The following CSMD1 variants were observed in gnomAD, a reference collection of about 807,000 sequenced individuals.
CSMD1 encodes CUB and sushi domain-containing protein 1.
Under a neutral mutation model 417.5 loss-of-function variants are expected in CSMD1, and 213 were observed. The ratio of observed to expected loss-of-function variants is 0.51; its 90% CI spans 0.46 to 0.57. CSMD1 has a LOEUF of 0.57. Among genes scored for constraint, CSMD1 ranks in the 20% least tolerant of loss-of-function variants. The pLI is 0.00. For missense variants in CSMD1, 6,923 were observed against 4,529.7 expected (o/e 1.53, Z -15.17); for synonymous variants, 2,862 against 1,736.8 (o/e 1.65, Z -16.11).
At chr8:4,518,747 C>T (rs1803264442) in intron 2 of CSMD1, among the ~76,000 whole-genome samples, 1 of 149,074 alleles carries the variant, frequency 6.7e-6, no homozygotes, top group South Asian at 2.1e-4. Flanking sequence ...CGCATGTACC[C>T]TAAAACTTAA....
At chr8:4,777,004 G>A (rs1304211665) in intron 1 of CSMD1, among the ~76,000 whole-genome samples, 1 of 152,092 alleles carries the variant, frequency 6.6e-6, no homozygotes, top group Non-Finnish European at 1.5e-5. Context: ...TGTAAAACAG[G>A]TGACTGATTT....
chr8:3,637,044 A>C (rs1460657935), intron 7 of CSMD1, among the ~76,000 whole-genome samples: 2 of 152,122 alleles, frequency 1.3e-5, no homozygotes, highest in East Asian at 3.9e-4. Flanking sequence ...GCAGAAAGAA[A>C]ACCCTCGCCA....
chr8:4,124,371 T>C (rs565757030), intron 3 of CSMD1, among the ~76,000 whole-genome samples: 2 of 151,378 alleles, frequency 1.3e-5, no homozygotes, highest in South Asian at 4.2e-4. Flanking sequence ...AAATGTTTTC[T>C]TCTCCATATC....
At chr8:4,006,588 G>C (rs2912297) in intron 4 of CSMD1, among the ~76,000 whole-genome samples, 60,167 of 152,036 alleles carry the variant, frequency 0.4, 11,911 homozygotes, top group East Asian at 0.48. Flanking sequence ...TGGGATGTTA[G>C]TTTTATTTAT....
chr8:3,376,268 T>A (rs534665694), intron 18 of CSMD1, among the ~76,000 whole-genome samples: 19 of 152,006 alleles, frequency 1.2e-4, no homozygotes, highest in Non-Finnish European at 2.4e-4. Context: ...AGTAAACTAA[T>A]TGCCTGCAAG....
At chr8:3,173,135 G>A (rs905609069) in intron 37 of CSMD1, among the ~76,000 whole-genome samples, 8 of 152,152 alleles carry the variant, frequency 5.3e-5, no homozygotes, top group East Asian at 1.9e-4. Flanking sequence ...ATGTGATTAC[G>A]TAATTTATTT....
At chr8:3,727,909 T>C (rs1032226035) in intron 6 of CSMD1, among the ~76,000 whole-genome samples, 7 of 151,936 alleles carry the variant, frequency 4.6e-5, no homozygotes, top group Non-Finnish European at 7.4e-5. Context: ...ATACTTAGAG[T>C]AGTCAAATTC....
chr8:4,102,674 T>C (rs886662795), intron 3 of CSMD1, among the ~76,000 whole-genome samples: 35 of 152,330 alleles, frequency 2.3e-4, no homozygotes, highest in Middle Eastern at 3.4e-3. Context: ...TACTCCAATA[T>C]TCAGGACATT....
chr8:3,570,662 A>C (rs1448898820), intron 10 of CSMD1, among the ~76,000 whole-genome samples: 1 of 152,194 alleles, frequency 6.6e-6, no homozygotes, highest in Non-Finnish European at 1.5e-5. Flanking sequence ...GTTATCTAAA[A>C]TAAGGTATCC....
intron 10 of CSMD1, among the ~76,000 whole-genome samples, chr8:3,546,362 C>T (rs1798663946): frequency 6.6e-6 from 1 of 151,864 alleles, no homozygotes; most frequent in Non-Finnish European, 1.5e-5. Flanking sequence ...GATGAAATCC[C>T]CATCTCTACT....
chr8:4,796,936 G>A (rs1487288717), intron 1 of CSMD1, among the ~76,000 whole-genome samples: 1 of 152,162 alleles, frequency 6.6e-6, no homozygotes, highest in African/African-American at 2.4e-5. Context: ...TGCATGGAGG[G>A]GGCAGGACAG....
At chr8:4,202,328 C>G (rs1247262728) in intron 3 of CSMD1, among the ~76,000 whole-genome samples, 1 of 152,172 alleles carries the variant, frequency 6.6e-6, no homozygotes, top group African/African-American at 2.4e-5. Context: ...CAAGAGCTCA[C>G]TTACAATATG....
chr8:3,335,489 C>A (rs1273385035), intron 23 of CSMD1, among the ~76,000 whole-genome samples: 1 of 152,132 alleles, frequency 6.6e-6, no homozygotes, highest in Non-Finnish European at 1.5e-5. Context: ...ACCAGCCTGA[C>A]CAACATAGAG....
At chr8:4,202,200 C>G (rs1259342518) in intron 3 of CSMD1, among the ~76,000 whole-genome samples, 1 of 152,044 alleles carries the variant, frequency 6.6e-6, no homozygotes. Flanking sequence ...TATAATGACG[C>G]AACAAAATGA....
intron 3 of CSMD1, among the ~76,000 whole-genome samples, chr8:4,048,273 A>T (rs1031770108): frequency 6.6e-6 from 1 of 152,200 alleles, no homozygotes; most frequent in African/African-American, 2.4e-5. Flanking sequence ...ACACATTTTT[A>T]CACTAATTAT....
intron 46 of CSMD1, among the ~76,000 whole-genome samples, chr8:3,099,815 C>T (rs899458692): frequency 1.3e-5 from 2 of 152,112 alleles, no homozygotes; most frequent in African/African-American, 2.4e-5. Context: ...AAAATATAAA[C>T]AACTTGTTAT....
At chr8:4,107,639 C>T (rs1448052389) in intron 3 of CSMD1, among the ~76,000 whole-genome samples, 1 of 152,134 alleles carries the variant, frequency 6.6e-6, no homozygotes, top group Admixed American at 6.5e-5. Flanking sequence ...ACAATGAGCA[C>T]CACCGAAAGC....
chr8:4,813,171 T>C (rs755576857), intron 1 of CSMD1, among the ~76,000 whole-genome samples: 12 of 152,200 alleles, frequency 7.9e-5, no homozygotes, highest in Non-Finnish European at 1.6e-4. Flanking sequence ...CACTAATGCA[T>C]ACACTAAACG....
chr8:4,251,832 A>AGAGGAGAGATGCAG (rs1256968608), intron 3 of CSMD1, among the ~76,000 whole-genome samples: 2 of 141,848 alleles, frequency 1.4e-5, no homozygotes, highest in African/African-American at 5.1e-5. Flanking sequence ...GAGAGATGGA[A>AGAGGAGAGATGCAG]GAGGAGAGAT....
Sources: gnomAD v4.1 joint callset for allele counts (sites outside exome capture counted in the v4.1 genomes callset) on GRCh38, gnomAD v4.1.1 for gene constraint, MANE v1.5 for transcripts, NCBI Gene and HGNC (gene_info 2026-07-23, HGNC 2026-07-21) for gene names.